KIAA0586: variants seen among roughly 807,000 people sequenced by gnomAD.
KIAA0586 encodes protein TALPID3.
A neutral mutation model predicts 169.8 loss-of-function variants in KIAA0586; 144 were observed. The observed-to-expected ratio is 0.85, with a 90% CI of 0.74 to 0.97. KIAA0586 has a LOEUF of 0.97. KIAA0586 is among the 50% of genes least tolerant of loss of function. The probability of loss-of-function intolerance (pLI) is 0.00; values close to 1 mark genes in which losing one functional copy is unlikely to be tolerated. For missense variants in KIAA0586, 1,854 were observed against 1,823.0 expected, an observed-to-expected ratio of 1.02 and a Z score of -0.31; for synonymous variants, 625 against 612.4, an observed-to-expected ratio of 1.02 and a Z score of -0.30.
At chr14:58,443,202 A>G (rs1251112060) in intron 5 of KIAA0586, among the ~76,000 whole-genome samples, 2 of 152,234 alleles carry the variant, frequency 1.3e-5, no homozygotes, top group African/African-American at 4.8e-5. Context: ...CCTTAGAGAT[A>G]ATCTATGCCT....
intron 9 of KIAA0586, 38 bp downstream of exon 9, chr14:58,453,511 AGAG>A (rs2039574688): frequency 7.1e-7 from 1 of 1,412,970 alleles, no homozygotes; most frequent in African/African-American, 1.5e-5. Context: ...TAGATTGAAA[AGAG>A]TTTTGTTAAG....
chr14:58,520,554 C>T (rs1479230028), intron 29 of KIAA0586, among the ~76,000 whole-genome samples: 1 of 151,892 alleles, frequency 6.6e-6, no homozygotes, highest in Non-Finnish European at 1.5e-5. Flanking sequence ...CAGAATTTTG[C>T]TCTGTCACCC....
intron 18 of KIAA0586, 22 bp from the exon 19 acceptor site, chr14:58,474,585 G>A (rs1198051890): frequency 6.6e-7 from 1 of 1,513,220 alleles, no homozygotes; most frequent in Non-Finnish European, 8.9e-7. Context: ...GAATATAATA[G>A]TTTTGTTTTT....
intron 27 of KIAA0586, among the ~76,000 whole-genome samples, chr14:58,500,630 G>A (rs991458054): frequency 2.6e-5 from 4 of 151,616 alleles, no homozygotes; most frequent in African/African-American, 7.3e-5. Context: ...GCTTGAACCC[G>A]GGAGGCTCAG....
In KIAA0586 at chr14:58,482,447, A is replaced by AATG. The variant is rs1043830506; in HGVS notation, c.2945-64_2945-62dup. 4.5e-6 allele frequency: 5 copies of AATG among 1,117,554 alleles called. No homozygotes were observed. In the African/African-American group the frequency reaches 8.1e-5, roughly 18 times the overall value. The allele number at this position is 1,117,554 out of a possible 1,614,324, so 69.2% of individuals were successfully genotyped here. On this transcript the variant is annotated intron_variant, in intron 20 of 30. Transcript: ENST00000652326. ...TCTCGAGAAAAATAATAATAATAAT[A>AATG]ATGAAAGTTTGAATTGCAAGCATGT... is the stretch of plus-strand genomic sequence containing the variant.
At chr14:58,470,856 AAT>A in intron 17 of KIAA0586, 133 bp downstream of exon 17, 1 of 543,564 alleles carries the variant, frequency 1.8e-6, no homozygotes, top group Middle Eastern at 4.0e-4. Flanking sequence ...GATTGAAAAC[AAT>A]TTTTTTTTTT....
intron 4 of KIAA0586, among the ~76,000 whole-genome samples, chr14:58,440,450 G>T (rs565570325): frequency 2.6e-5 from 4 of 152,268 alleles, no homozygotes; most frequent in Admixed American, 1.3e-4. Flanking sequence ...TCCTGCCTCA[G>T]CCTCCTGAGT....
chr14:58,528,356 A>G (rs2045734671), intron 29 of KIAA0586, among the ~76,000 whole-genome samples: 1 of 152,186 alleles, frequency 6.6e-6, no homozygotes, highest in South Asian at 2.1e-4. Context: ...AAGCAGGCCT[A>G]ATAGACATCT....
chr14:58,451,886 T>C (rs2039423091), intron 8 of KIAA0586, among the ~76,000 whole-genome samples: 1 of 152,158 alleles, frequency 6.6e-6, no homozygotes, highest in Non-Finnish European at 1.5e-5. Context: ...GGTTTCACCA[T>C]GTTAGCCAGG....
chr14:58,433,403 C>T (rs576653472), intron 4 of KIAA0586: 4 of 152,146 alleles, frequency 2.6e-5, no homozygotes, highest in Admixed American at 6.6e-5. Context: ...ACCCTTATTT[C>T]GTTTTTCTTA....
At chr14:58,435,378 G>T (rs546636125) in intron 4 of KIAA0586, among the ~76,000 whole-genome samples, 68 of 151,908 alleles carry the variant, frequency 4.5e-4, no homozygotes, top group South Asian at 1.2e-3. Flanking sequence ...CTATTTGTAG[G>T]GTACGTAGTG....
At chr14:58,479,595 C>T (rs1422395765) in intron 20 of KIAA0586, among the ~76,000 whole-genome samples, 1 of 152,088 alleles carries the variant, frequency 6.6e-6, no homozygotes, top group East Asian at 1.9e-4. Context: ...AAAATCTTTG[C>T]TAACCCAAGA....
intron 29 of KIAA0586, among the ~76,000 whole-genome samples, chr14:58,525,334 AT>A (rs2045507236): frequency 6.6e-6 from 1 of 151,754 alleles, no homozygotes; most frequent in African/African-American, 2.4e-5. Flanking sequence ...AAGGTGGGTG[AT>A]TTCTGCATTT....
At position 58,480,200 on chromosome 14, in the gene KIAA0586, G is replaced by A. The variant is rs562226887; in HGVS notation, c.2945-2313G>A. ...CCCCTCAAGAAACTCCTTTCTCACA[G>A]CATTTGCTTGTCAAAAATGTTTCCC... On this transcript the variant is annotated intron_variant, in intron 20 of 30. Transcript: ENST00000652326. 9.9e-5 allele frequency among the ~76,000 whole-genome samples: 15 copies of A among 151,634 alleles called. 1 individual carries two copies. In the South Asian group the frequency reaches 2.7e-3, roughly 28 times the overall value.
chr14:58,453,111 G>GTT (rs2039537358), intron 8 of KIAA0586, among the ~76,000 whole-genome samples: 1 of 151,358 alleles, frequency 6.6e-6, no homozygotes, highest in South Asian at 2.1e-4. Context: ...TAGAGACGGG[G>GTT]TTTCTCCATG....
In KIAA0586 at chr14:58,487,040, C is replaced by G. The variant is rs768446242; in HGVS notation, c.3178C>G (p.Pro1060Ala). 6.2e-7 allele frequency: 1 copy of G among 1,613,226 alleles called. No individual in the cohort carries two copies. The highest frequency in any genetic ancestry group is 1.7e-5 in the Admixed American group (1 of 59,992). Residue 1060 changes from proline (P) to alanine (A), a missense_variant, in exon 22 of 31, where the codon CCT becomes GCT. Transcript: ENST00000652326. ...RVCTPLPTPQ[P>A]TPPCSPSSPA... ...GTGCACCCCACTGCCTACCCCACAGCCTACGCCTCCTTGCTCACCTTCATC... is the reference window on the plus strand; with the variant it reads ...GTGCACCCCACTGCCTACCCCACAGGCTACGCCTCCTTGCTCACCTTCATC...
intron 29 of KIAA0586, among the ~76,000 whole-genome samples, chr14:58,516,447 T>C (rs557897792): frequency 4.6e-4 from 70 of 152,218 alleles, no homozygotes; most frequent in Non-Finnish European, 8.1e-4. Context: ...AAGAAGGAAA[T>C]AGTCTTGGTC....
intron 29 of KIAA0586, chr14:58,521,858 T>C (rs1688992597): frequency 1.9e-6 from 2 of 1,063,972 alleles, no homozygotes; most frequent in Non-Finnish European, 2.9e-6. Flanking sequence ...ATGACTTTGC[T>C]GAGGAGGACC....
Position 58,484,909 on chromosome 14 carries a change from T to TATTTTTATATATATATATATATAA in KIAA0586, c.3145-2096_3145-2095insTTTTATATATATATATATATAAAT, listed in dbSNP as rs2042311922. Among the ~76,000 whole-genome samples, 3 of 29,786 alleles carry TATTTTTATATATATATATATATAA rather than the reference T, an allele frequency of 1.0e-4. 1 individual carries two copies. Among genetic ancestry groups the TATTTTTATATATATATATATATAA allele is most frequent in the Admixed American group, 5.0e-4 (1 of 2,012 alleles). 19.5% of individuals were successfully genotyped at this position (29,786 alleles called of 152,430 possible). A position where few individuals can be genotyped will look rare whatever the true frequency, so the allele number is the denominator to read the frequency against. On this transcript the variant is annotated intron_variant, in intron 21 of 30. Transcript: ENST00000652326. The stretch of plus-strand genomic sequence containing the variant: ...ATATATTTATATATATATATATATA[T>TATTTTTATATATATATATATATAA]ATATATATATATATATTTTTTTTTT...
Sources: allele counts gnomAD v4.1 joint callset (sites outside exome capture counted in the v4.1 genomes callset), GRCh38; gene constraint gnomAD v4.1.1; transcripts MANE v1.5; gene names NCBI Gene and HGNC (gene_info 2026-07-23, HGNC 2026-07-21).